The following NAV3 variants were observed in gnomAD, a reference collection of about 807,000 sequenced individuals.
NAV3 encodes pore membrane and/or filament interacting like protein 1.
In NAV3, 87 loss-of-function variants were observed where a neutral mutation model predicts 244.7. The observed-to-expected ratio is 0.36, with a 90% confidence interval of 0.30 to 0.42. NAV3 has a LOEUF of 0.42. Ranked by LOEUF, NAV3 falls within the 20% of genes least tolerant of loss-of-function variation. The pLI is 1.00. For missense variants in NAV3, 2,663 were observed against 2,893.3 expected, an observed-to-expected ratio of 0.92 and a Z score of 1.83; for synonymous variants, 1,126 against 1,042.2, an observed-to-expected ratio of 1.08 and a Z score of -1.55.
chr12:77,844,999 T>TATC (rs1876369121), intron 1 of NAV3, among the ~76,000 whole-genome samples: 1 of 152,190 alleles, frequency 6.6e-6, no homozygotes, highest in Admixed American at 6.5e-5. Context: ...AGACATTACC[T>TATC]ATCATTTTTG....
Position 78,198,731 on chromosome 12 carries a change from G to T in NAV3, c.6518+55G>T, listed in dbSNP as rs568777007. The T allele has an allele frequency of 1.1e-5, 8 of 752,230 alleles. 1 individual carries two copies. The highest frequency in any genetic ancestry group is 3.6e-5 in the East Asian group (1 of 27,834). The allele number at this position is 752,230 out of a possible 1,614,324, so 46.6% of individuals were successfully genotyped here. A position where few individuals can be genotyped will look rare whatever the true frequency, so the allele number is the denominator to read the frequency against. On this transcript the variant is annotated intron_variant, in intron 36 of 39. Transcript: ENST00000397909. ...TGTTTTTTTGTTTTGTGTTGGGGGG[G>T]GCAGGGGAGGGGGTTGGCATTGTTT...
At chr12:77,713,357 C>T (rs1303429295) in intron 2 of NAV3, among the ~76,000 whole-genome samples, 1 of 152,082 alleles carries the variant, frequency 6.6e-6, no homozygotes, top group African/African-American at 2.4e-5. Flanking sequence ...TACAACTGTA[C>T]CTACATATTG....
In NAV3 at chr12:78,137,098, A is replaced by G. The variant is rs887827592; in HGVS notation, c.4442-79A>G. The G allele has an allele frequency of 3.1e-6, 4 of 1,311,036 alleles. No homozygotes were observed. In the African/African-American group the frequency reaches 6.0e-5, roughly 20 times the overall value. 81.2% of individuals were successfully genotyped at this position (1,311,036 alleles called of 1,614,324 possible). ...TCATGTTTTCATAAGTATTGGGATC[A>G]TGTTCTTACTTTCTATCAACCTGCT... is the stretch of plus-strand genomic sequence containing the variant. On this transcript the variant is annotated intron_variant, in intron 18 of 39. Transcript: ENST00000397909.
chr12:77,781,393 A>G (rs1033213763), intron 2 of NAV3, among the ~76,000 whole-genome samples: 8 of 152,180 alleles, frequency 5.3e-5, no homozygotes, highest in Non-Finnish European at 5.9e-5. Flanking sequence ...CTTCATCTGC[A>G]TGATAAAACC....
chr12:77,922,358 G>A (rs985669161), intron 1 of NAV3, among the ~76,000 whole-genome samples: 4 of 151,918 alleles, frequency 2.6e-5, no homozygotes, highest in Admixed American at 1.3e-4. Flanking sequence ...ACAGCTTTTC[G>A]GGTCATTCGG....
chr12:77,963,584 A>G (rs1892225529), intron 3 of NAV3, among the ~76,000 whole-genome samples: 1 of 152,184 alleles, frequency 6.6e-6, no homozygotes, highest in Non-Finnish European at 1.5e-5. Flanking sequence ...TAAATGTTGA[A>G]TAAATAAATG....
intron 5 of NAV3, among the ~76,000 whole-genome samples, chr12:77,969,206 A>T (rs757385157): frequency 6.6e-6 from 1 of 151,648 alleles, no homozygotes; most frequent in African/African-American, 2.4e-5. Context: ...ATGCACATAC[A>T]TGTATTATTT....
At chr12:77,615,747 A>G (rs1051629697) in intron 2 of NAV3, among the ~76,000 whole-genome samples, 2 of 152,096 alleles carry the variant, frequency 1.3e-5, no homozygotes, top group African/African-American at 4.8e-5. Flanking sequence ...TGAGATGTTT[A>G]TAGTGTGGAC....
At chr12:77,902,578 G>A (rs984083018) in intron 1 of NAV3, among the ~76,000 whole-genome samples, 4 of 152,068 alleles carry the variant, frequency 2.6e-5, no homozygotes, top group African/African-American at 7.2e-5. Context: ...TTTGAAAACT[G>A]GCACAAGACA....
Position 78,211,372 on chromosome 12 carries a change from T to C in NAV3, c.*855T>C, listed in dbSNP as rs1960868557. The C allele has an allele frequency of 6.6e-6, 1 of 152,634 alleles. No homozygotes were observed. Among genetic ancestry groups the C allele is most frequent in the Non-Finnish European group, 1.5e-5 (1 of 68,032 alleles). 9.5% of individuals were successfully genotyped at this position (152,634 alleles called of 1,614,324 possible). On this transcript the variant is annotated 3_prime_UTR_variant, in exon 40 of 40. Coordinates refer to ENST00000397909, the MANE Select transcript of NAV3 (RefSeq NM_001024383.2). ...ACAGATTTCTATGACAGTTTAACAG[T>C]TGGTTTAAATCCTAAACCATTGGTA... is the stretch of plus-strand genomic sequence containing the variant.
At chr12:77,998,181 A>G (rs1226442443) in intron 6 of NAV3, among the ~76,000 whole-genome samples, 156 bp from the exon 7 acceptor site, 1 of 152,190 alleles carries the variant, frequency 6.6e-6, no homozygotes, top group Non-Finnish European at 1.5e-5. Context: ...GATCTGCAAC[A>G]TTGTGCTTAG....
At chr12:77,938,352 G>C (rs895606770) in intron 1 of NAV3, among the ~76,000 whole-genome samples, 1 of 152,108 alleles carries the variant, frequency 6.6e-6, no homozygotes, top group African/African-American at 2.4e-5. Flanking sequence ...TCATGTATTT[G>C]TGTGCTAATT....
chr12:78,152,269 A>T (rs965852119), intron 22 of NAV3, among the ~76,000 whole-genome samples: 18 of 151,766 alleles, frequency 1.2e-4, no homozygotes, highest in African/African-American at 4.4e-4. Flanking sequence ...AAAGTTTATT[A>T]AAATTCTCTT....
Position 78,116,757 on chromosome 12 carries a change from A to G in NAV3, c.2637-15A>G, listed in dbSNP as rs201154467. ...CCTGTGTTTGATTCACTGCTCTTGC[A>G]TGTCTTGCCTTTAGCTGGGATGACA... On this transcript the variant is annotated splice_polypyrimidine_tract_variant and intron_variant, in intron 12 of 39. Transcript: ENST00000397909. 1 of 1,571,828 alleles carries G rather than the reference A, an allele frequency of 6.4e-7. No individual in the cohort carries two copies. The highest frequency in any genetic ancestry group is 8.7e-7 in the Non-Finnish European group (1 of 1,152,926).
chr12:77,735,045 A>G (rs1418722609), intron 2 of NAV3, among the ~76,000 whole-genome samples: 6 of 152,138 alleles, frequency 3.9e-5, no homozygotes, highest in Admixed American at 3.3e-4. Flanking sequence ...TGATATATAA[A>G]TGTCAGTGAA....
chr12:78,156,806 G>A (rs999131564), intron 22 of NAV3, among the ~76,000 whole-genome samples: 1 of 152,066 alleles, frequency 6.6e-6, no homozygotes, highest in African/African-American at 2.4e-5. Flanking sequence ...AGGTTAAACT[G>A]AAGTGACCAT....
intron 22 of NAV3, 110 bp from the exon 23 acceptor site, chr12:78,159,093 A>G: frequency 1.3e-6 from 1 of 750,178 alleles, no homozygotes; most frequent in Non-Finnish European, 2.2e-6. Flanking sequence ...TAGTCATAGT[A>G]TTTAAAGAGT....
At chr12:78,101,526 G>T (rs977966297) in intron 12 of NAV3, among the ~76,000 whole-genome samples, 1 of 152,048 alleles carries the variant, frequency 6.6e-6, no homozygotes, top group Non-Finnish European at 1.5e-5. Context: ...AATCATTTTA[G>T]TATATCAGTG....
chr12:78,046,251 T>G (rs1353083791), intron 9 of NAV3, among the ~76,000 whole-genome samples: 1 of 152,210 alleles, frequency 6.6e-6, no homozygotes, highest in East Asian at 1.9e-4. Context: ...CTGATCTTAG[T>G]TATTTCTTGC....
Sources: gnomAD v4.1 joint callset for allele counts (sites outside exome capture counted in the v4.1 genomes callset) on GRCh38, gnomAD v4.1.1 for gene constraint, MANE v1.5 for transcripts, NCBI Gene and HGNC (gene_info 2026-07-23, HGNC 2026-07-21) for gene names.